Variants in HID1 observed in about 807,000 individuals in gnomAD.
The protein encoded by HID1 is HID1 domain containing.
HID1 carries 42 observed loss-of-function variants against 89.7 expected under a neutral mutation model. The observed-to-expected ratio is 0.47, with a 90% CI of 0.37 to 0.61. The LOEUF is 0.61. Ranked by LOEUF, HID1 falls within the 20% of genes least tolerant of loss-of-function variation. The pLI, the probability that HID1 is intolerant of heterozygous loss-of-function variation, is 0.00. For missense variants in HID1, 854 were observed against 1,039.3 expected (o/e 0.82, Z 2.45); for synonymous variants, 442 against 433.8 (o/e 1.02, Z -0.24).
chr17:74,960,209 C>T lies in HID1; in HGVS notation c.768G>A (p.Val256=). ...CGTAGCCCACAGGGTCATAGGCACA[C>T]ACGGTGTTGAGGAGGGAGGTGAAGA... ...LPLFTSLLNT[V]CAYDPVGYGI... The change falls in exon 7 of 19, where the codon GTG becomes GTA. Residue 256 remains valine (V), a synonymous_variant. Coordinates refer to ENST00000425042, the MANE Select transcript of HID1 (RefSeq NM_030630.3). 1 of 1,613,232 alleles carries T rather than the reference C, an allele frequency of 6.2e-7. No homozygotes were observed. Among genetic ancestry groups the T allele is most frequent in the Non-Finnish European group, 8.5e-7 (1 of 1,180,006 alleles).
At position 74,959,371 on chromosome 17, in the gene HID1, T is replaced by C. The variant is rs1161932554; in HGVS notation, c.1009-320A>G. 6.6e-6 allele frequency among the ~76,000 whole-genome samples: 1 copy of C among 152,090 alleles called. No individual in the cohort carries two copies. The highest frequency in any genetic ancestry group is 1.5e-5 in the Non-Finnish European group (1 of 68,020). On this transcript the variant is annotated intron_variant, in intron 8 of 18. Transcript: ENST00000425042. The surrounding 1 kb of genome is among the most constrained non-coding windows in gnomAD (Gnocchi z 4.6). ...ACCCTCAACCTTGTCCCTGCCCACC[T>C]TGGACTCATGGTTGGCAGGTTCCAT...
intron 1 of HID1, among the ~76,000 whole-genome samples, chr17:74,967,042 C>T (rs2039573500): frequency 6.6e-6 from 1 of 152,064 alleles, no homozygotes; most frequent in African/African-American, 2.4e-5. Flanking sequence ...AGTTCGAGAC[C>T]ACCCTGGCCA....
Position 74,972,739 on chromosome 17 carries a change from C to G in HID1, c.-83G>C. 6 of 1,334,798 alleles carry G rather than the reference C, an allele frequency of 4.5e-6. No individual in the cohort carries two copies. The highest frequency in any genetic ancestry group is 6.0e-6 in the Non-Finnish European group (6 of 997,726). 82.7% of individuals were successfully genotyped at this position (1,334,798 alleles called of 1,614,324 possible). A position where few individuals can be genotyped will look rare whatever the true frequency, so the allele number is the denominator to read the frequency against. ...CAGCTCCGGCTCCAGCTCCGCGGCC[C>G]CCGCGGCTCTCGCAGGAGACAAGCG... On this transcript the variant is annotated 5_prime_UTR_variant, in exon 1 of 19. Coordinates refer to ENST00000425042, the MANE Select transcript of HID1 (RefSeq NM_030630.3). This position sits in a 1 kb window ranked among gnomAD's most constrained non-coding sequence, Gnocchi z 6.4.
Position 74,954,147 on chromosome 17 carries a change from C to A in HID1, c.1855G>T (p.Ala619Ser). ...TCCACTAGCACCAGACCTGGAGTAG[C>A]CACCAGACTGGTCTTGAGGGTGCCT... Reference protein sequence around the residue: ...EPGTLKTSLVATPGIDKLTEK... With the variant: ...EPGTLKTSLVSTPGIDKLTEK... Residue 619 changes from alanine (A) to serine (S), a missense_variant, in exon 14 of 19, where the codon GCT becomes TCT. By Grantham distance (99) the Ala-to-Ser change is moderately conservative. Transcript: ENST00000425042. 6.3e-7 allele frequency: 1 copy of A among 1,597,660 alleles called. No homozygotes were observed. Among genetic ancestry groups the A allele is most frequent in the Admixed American group, 1.8e-5 (1 of 56,928 alleles).
At chr17:74,954,663 G>C (rs1327400367) in intron 13 of HID1, 1 of 472,972 alleles carries the variant, frequency 2.1e-6, no homozygotes, top group East Asian at 4.3e-5. Context: ...AAAAAGTACA[G>C]GCCCCAGCAT....
In HID1 at chr17:74,951,539, C is replaced by CA; in HGVS notation, c.*30_*31insT. The CA allele has an allele frequency of 6.3e-7, 1 of 1,597,880 alleles. No individual in the cohort carries two copies. Among genetic ancestry groups the CA allele is most frequent in the South Asian group, 1.1e-5 (1 of 88,658 alleles). ...CCTCAGGGACCAAGGCCCTGCCTTC[C>CA]CCTAGACTGAGCCCCTCGTCGGCTT... On this transcript the variant is annotated 3_prime_UTR_variant, in exon 19 of 19. Transcript: ENST00000425042.
chr17:74,966,100 G>A (rs2039558647), intron 1 of HID1, among the ~76,000 whole-genome samples: 1 of 151,556 alleles, frequency 6.6e-6, no homozygotes, highest in Non-Finnish European at 1.5e-5. Context: ...GCCTGGCCAA[G>A]ATGGTGAAAC....
At position 74,953,048 on chromosome 17, in the gene HID1, G is replaced by A. The variant is rs551188802; in HGVS notation, c.2010C>T (p.Ser670=). The change falls in exon 16 of 19, where the codon TCC becomes TCT. Residue 670 remains serine (S), a synonymous_variant. Coordinates refer to ENST00000425042, the MANE Select transcript of HID1 (RefSeq NM_030630.3). ...TCCACTGCCCACTGGCTGATGAGGT[G>A]GACGGTCGCCGCTGCTCCCTCCATG... ...SQAWREQRRP[S]TSSASGQWSP... is the part of the protein sequence containing the mutation. 9 of 1,609,352 alleles carry A rather than the reference G, an allele frequency of 5.6e-6. No individual in the cohort carries two copies. The highest frequency in any genetic ancestry group is 4.0e-5 in the African/African-American group (3 of 74,980).
chr17:74,963,747 C>T lies in HID1; in HGVS notation c.380G>A (p.Arg127Gln), dbSNP rs759385862. ...FFWSTVPGAG[R>Q]GGQGEEDDEH... ...CTGGCCAGGCCCACAGACCCCTCCT[C>T]GCCCTGCCCCGGGCACTGTGGACCA... The change falls in exon 3 of 19, where the codon CGA becomes CAA. Residue 127 changes from arginine to glutamine, a missense_variant. Transcript: ENST00000425042. 4 of 1,606,680 alleles carry T rather than the reference C, an allele frequency of 2.5e-6. No individual in the cohort carries two copies. Among genetic ancestry groups the T allele is most frequent in the South Asian group, 1.1e-5 (1 of 90,134 alleles).
chr17:74,954,167 G>A lies in HID1; in HGVS notation c.1835C>T (p.Thr612Ile). 1 of 1,602,000 alleles carries A rather than the reference G, an allele frequency of 6.2e-7. No homozygotes were observed. The highest frequency in any genetic ancestry group is 1.3e-5 in the African/African-American group (1 of 75,024). The change falls in exon 14 of 19, where the codon ACC (threonine) becomes ATC (isoleucine). Residue 612 changes from threonine (T) to isoleucine (I), a missense_variant. Physicochemically the swap from Thr to Ile is moderately conservative, Grantham distance 89 (BLOSUM62 -1). Transcript: ENST00000425042. ...SRPAAPAEPG[T>I]LKTSLVATPG... ...AGTAGCCACCAGACTGGTCTTGAGG[G>A]TGCCTGGCTCTGCAGGGGCAGCGGG...
At position 74,958,868 on chromosome 17, in the gene HID1, G is replaced by A. The variant is rs370087941; in HGVS notation, c.1149+43C>T. ...TCCCTGCCCCCGGGTTATTGGGGCAGCTGCTCTCCATCTCCCTGCAGGGCC... is the reference window on the plus strand; with the variant it reads ...TCCCTGCCCCCGGGTTATTGGGGCAACTGCTCTCCATCTCCCTGCAGGGCC... On this transcript the variant is annotated intron_variant, in intron 9 of 18. Transcript: ENST00000425042. This position sits in a 1 kb window ranked among gnomAD's most constrained non-coding sequence, Gnocchi z 5.2. 9 of 1,582,632 alleles carry A rather than the reference G, an allele frequency of 5.7e-6. No individual in the cohort carries two copies. In the African/African-American group the frequency reaches 1.2e-4, roughly 21 times the overall value.
intron 1 of HID1, among the ~76,000 whole-genome samples, chr17:74,968,956 C>A (rs1361978098): frequency 6.6e-6 from 1 of 152,234 alleles, no homozygotes; most frequent in East Asian, 1.9e-4. Flanking sequence ...CAGCCTTGAA[C>A]TTTAGGAACA....
chr17:74,969,838 C>G (rs1286193968), intron 1 of HID1, among the ~76,000 whole-genome samples: 1 of 149,844 alleles, frequency 6.7e-6, no homozygotes, highest in Admixed American at 6.7e-5. Context: ...TGGGCTCAAG[C>G]GATCCTCCTG....
At chr17:74,952,385 G>T in intron 16 of HID1, 25 bp from the exon 17 acceptor site, 1 of 1,592,354 alleles carries the variant, frequency 6.3e-7, no homozygotes, top group South Asian at 1.1e-5. Flanking sequence ...GGTTCCTGGG[G>T]CTGAGAAAGC....
At position 74,951,889 on chromosome 17, in the gene HID1, A is replaced by T. The variant is rs900770958; in HGVS notation, c.2303+16T>A. 2.0e-6 allele frequency: 3 copies of T among 1,497,172 alleles called. No homozygotes were observed. The highest frequency in any genetic ancestry group is 2.7e-5 in the South Asian group (2 of 73,716). 92.7% of individuals were successfully genotyped at this position (1,497,172 alleles called of 1,614,324 possible). A position where few individuals can be genotyped will look rare whatever the true frequency, so the allele number is the denominator to read the frequency against. ...CAGGCTCTCAGGTGGACACCACCCC[A>T]CTCCCCGGGGCCCACCTCAGATAGA... On this transcript the variant is annotated intron_variant, in intron 18 of 18. Coordinates refer to ENST00000425042, the MANE Select transcript of HID1 (RefSeq NM_030630.3).
chr17:74,972,751 G>C lies in HID1; in HGVS notation c.-95C>G, dbSNP rs556651973. ...CAGCTCCGCGGCCCCCGCGGCTCTCGCAGGAGACAAGCGGCGCGCCCCGCC... is the reference window on the plus strand; with the variant it reads ...CAGCTCCGCGGCCCCCGCGGCTCTCCCAGGAGACAAGCGGCGCGCCCCGCC... On this transcript the variant is annotated 5_prime_UTR_variant, in exon 1 of 19. Coordinates refer to ENST00000425042, the MANE Select transcript of HID1 (RefSeq NM_030630.3). The surrounding 1 kb of genome is among the most constrained non-coding windows in gnomAD (Gnocchi z 6.4). 1 of 1,224,324 alleles carries C rather than the reference G, an allele frequency of 8.2e-7. No individual in the cohort carries two copies. Among genetic ancestry groups the C allele is most frequent in the Non-Finnish European group, 1.1e-6 (1 of 916,518 alleles). 75.8% of individuals were successfully genotyped at this position (1,224,324 alleles called of 1,614,324 possible).
chr17:74,962,140 T>C lies in HID1; in HGVS notation c.611+94A>G. 8.3e-7 allele frequency: 1 copy of C among 1,205,408 alleles called. No homozygotes were observed. Among genetic ancestry groups the C allele is most frequent in the Non-Finnish European group, 1.2e-6 (1 of 849,854 alleles). 74.7% of individuals were successfully genotyped at this position (1,205,408 alleles called of 1,614,324 possible). ...AAGGTCGGGTCATAGGTGAGGACGG[T>C]CTTCTGGGAAGACCCCATGGGCTTT... is the stretch of plus-strand genomic sequence containing the variant. On this transcript the variant is annotated intron_variant, in intron 5 of 18. Coordinates refer to ENST00000425042, the MANE Select transcript of HID1 (RefSeq NM_030630.3). This position sits in a 1 kb window ranked among gnomAD's most constrained non-coding sequence, Gnocchi z 4.3.
At chr17:74,956,049 A>C in intron 12 of HID1, 93 bp from the exon 13 acceptor site, 4 of 1,286,664 alleles carry the variant, frequency 3.1e-6, no homozygotes, top group East Asian at 4.6e-5. Flanking sequence ...TCCTGCTCTC[A>C]ATCCCTCCCT....
chr17:74,956,893 G>A (rs1567959055), intron 12 of HID1, among the ~76,000 whole-genome samples: 1 of 152,222 alleles, frequency 6.6e-6, no homozygotes, highest in Non-Finnish European at 1.5e-5. Context: ...GAGGACAAAG[G>A]CAGAAAGGGT....
Sources: allele counts gnomAD v4.1 joint callset (sites outside exome capture counted in the v4.1 genomes callset), GRCh38; gene constraint gnomAD v4.1.1; non-coding constraint Gnocchi (gnomAD v3.1); transcripts MANE v1.5; gene names NCBI Gene and HGNC (gene_info 2026-07-23, HGNC 2026-07-21).